ZNF540: variants seen among roughly 807,000 people sequenced by gnomAD.
ZNF540 encodes the protein zinc finger protein 540.
ZNF540 carries 3 observed loss-of-function variants against 11.8 expected under a neutral mutation model. The ratio of observed to expected loss-of-function variants is 0.25; its 90% CI spans 0.12 to 0.65. The LOEUF is 0.65. ZNF540 is among the 30% of genes least tolerant of loss of function. ZNF540 has a pLI of 0.83. For synonymous variants in ZNF540, 247 were observed against 259.0 expected, an observed-to-expected ratio of 0.95 and a Z score of 0.45; for missense variants, 709 against 793.1, an observed-to-expected ratio of 0.89 and a Z score of 1.27.
chr19:37,576,975 C>T (rs1206289026), intron 1 of ZNF540, among the ~76,000 whole-genome samples: 5 of 151,970 alleles, frequency 3.3e-5, no homozygotes, highest in South Asian at 2.1e-4. Flanking sequence ...GCCTATACAC[C>T]GCCATCTTCT....
rs766723398 is a variant in ZNF540, at chr19:37,613,344, TG to T, written c.*82del. 6.0e-5 allele frequency: 63 copies of T among 1,055,674 alleles called. No homozygotes were observed. Among genetic ancestry groups the T allele is most frequent in the South Asian group, 2.5e-4 (10 of 40,728 alleles). The allele number at this position is 1,055,674 out of a possible 1,614,324, so 65.4% of individuals were successfully genotyped here. ...GCCAGAAGTTCTGTCAATGTGTTGA[TG>T]TTTTTTTACACATATTAACTTAATA... On this transcript the variant is annotated 3_prime_UTR_variant, in exon 5 of 5. Transcript: ENST00000316433.
intron 4 of ZNF540, among the ~76,000 whole-genome samples, chr19:37,606,760 GT>G (rs1277069149): frequency 6.6e-6 from 1 of 152,062 alleles, no homozygotes; most frequent in Non-Finnish European, 1.5e-5. Flanking sequence ...AGTTGCAAGA[GT>G]TTTAAAAATA....
chr19:37,590,892 C>A (rs116078960), upstream of ZNF540, among the ~76,000 whole-genome samples: 1,068 of 152,236 alleles, frequency 7.0e-3, 16 homozygotes, highest in African/African-American at 0.025. Context: ...AAAATGCATT[C>A]TCTATCTTAA....
At chr19:37,571,648 A>G (rs1466355277) in intron 1 of ZNF540, among the ~76,000 whole-genome samples, 1 of 152,202 alleles carries the variant, frequency 6.6e-6, no homozygotes, top group African/African-American at 2.4e-5. Context: ...ATGCTCCTTG[A>G]CTTACCAAGG....
chr19:37,581,165 C>G (rs528403606), intron 1 of ZNF540, among the ~76,000 whole-genome samples: 1 of 152,336 alleles, frequency 6.6e-6, no homozygotes, highest in South Asian at 2.1e-4. Flanking sequence ...TCACATCTTT[C>G]ACTATTCCTA....
chr19:37,566,126 G>A, intron 1 of ZNF540: 2 of 1,613,924 alleles, frequency 1.2e-6, no homozygotes, highest in Non-Finnish European at 1.7e-6. Flanking sequence ...TTCCTGACTT[G>A]CTTCTTGACC....
intron 1 of ZNF540, chr19:37,564,581 T>C (rs761763460): frequency 2.1e-6 from 3 of 1,458,234 alleles, no homozygotes; most frequent in South Asian, 1.7e-5. Flanking sequence ...TTAAATTTAA[T>C]CACATTCAAG....
chr19:37,579,214 C>A (rs1275085158), intron 1 of ZNF540, among the ~76,000 whole-genome samples: 1 of 152,252 alleles, frequency 6.6e-6, no homozygotes, highest in African/African-American at 2.4e-5. Context: ...TAGCCAGCAC[C>A]TGAACTCTGG....
intron 4 of ZNF540, chr19:37,611,237 G>C (rs1306647984): frequency 4.6e-5 from 9 of 196,156 alleles, no homozygotes; most frequent in African/African-American, 2.1e-4. Flanking sequence ...ATGTTGGTCA[G>C]GCTGGTCTTG....
intron 1 of ZNF540, among the ~76,000 whole-genome samples, chr19:37,561,696 GAA>G (rs1056025262): frequency 1.1e-4 from 17 of 152,322 alleles, no homozygotes; most frequent in African/African-American, 3.4e-4. Context: ...ACATATTTTT[GAA>G]AAGTCTGGCT....
upstream of ZNF540, chr19:37,551,374 G>C (rs1436431297): frequency 6.6e-6 from 1 of 152,264 alleles, no homozygotes; most frequent in Non-Finnish European, 1.5e-5. Flanking sequence ...CGGGGCTCGC[G>C]TCACAGTGAC....
chr19:37,600,243 A>G (rs956839570), intron 3 of ZNF540, among the ~76,000 whole-genome samples: 23 of 152,206 alleles, frequency 1.5e-4, no homozygotes, highest in Non-Finnish European at 4.4e-5. Context: ...CTGATTTGTG[A>G]TTGAAAATTT....
chr19:37,611,712 C>T lies in ZNF540; in HGVS notation c.432C>T (p.Ile144=), dbSNP rs202168660. The change falls in exon 5 of 5, where the codon ATC becomes ATT. Residue 144 remains isoleucine (I), a synonymous_variant. Transcript: ENST00000316433. ...AAAGATCTATCAGTCAAAAGAAAAT[C>T]GTCTCTAAAAAAATGTCAACTGATA... is the stretch of plus-strand genomic sequence containing the variant. ...LKERSISQKK[I]VSKKMSTDRK... is the part of the protein sequence containing the mutation. 3.0e-4 allele frequency: 478 copies of T among 1,613,578 alleles called. 3 individuals carry two copies. The highest frequency in any genetic ancestry group is 1.0e-4 in the Non-Finnish European group (122 of 1,179,908).
At chr19:37,552,762 A>G (rs1453455138) in intron 1 of ZNF540, among the ~76,000 whole-genome samples, 1 of 152,134 alleles carries the variant, frequency 6.6e-6, no homozygotes, top group Non-Finnish European at 1.5e-5. Context: ...AGCTTGGCCA[A>G]CATGGTGAAA....
chr19:37,608,911 G>C (rs2044105649), intron 4 of ZNF540, among the ~76,000 whole-genome samples: 1 of 152,112 alleles, frequency 6.6e-6, no homozygotes. Context: ...AAAGTGCTGG[G>C]ATTACAAGCG....
chr19:37,612,248 G>T lies in ZNF540; in HGVS notation c.968G>T (p.Gly323Val), dbSNP rs780819424. 2 of 1,613,708 alleles carry T rather than the reference G, an allele frequency of 1.2e-6. No individual in the cohort carries two copies. Among genetic ancestry groups the T allele is most frequent in the African/African-American group, 2.7e-5 (2 of 74,900 alleles). Residue 323 changes from glycine to valine, a missense_variant, in exon 5 of 5, where the codon GGT (glycine) becomes GTT (valine). Gly to Val is a moderately radical substitution (Grantham distance 109). Transcript: ENST00000316433. ...YFKEHERIHT[G>V]KKPYECKECG... Reference sequence around the variant, plus strand: ...AAAGAACATGAGAGAATTCATACAGGTAAGAAACCCTATGAATGTAAGGAG... The same window carrying T: ...AAAGAACATGAGAGAATTCATACAGTTAAGAAACCCTATGAATGTAAGGAG...
intron 1 of ZNF540, chr19:37,583,894 T>C (rs2043565268): frequency 2.1e-6 from 3 of 1,449,930 alleles, no homozygotes; most frequent in East Asian, 2.3e-5. Context: ...CCTTAGGGAA[T>C]GGAGATCAGA....
chr19:37,566,522 C>G (rs1250219522), intron 1 of ZNF540: 2 of 459,154 alleles, frequency 4.4e-6, no homozygotes, highest in Non-Finnish European at 7.5e-6. Context: ...GGTTCTCAAA[C>G]TTTGGAATGG....
At chr19:37,611,388 A>G in intron 4 of ZNF540, 125 bp from the exon 5 acceptor site, 2 of 695,680 alleles carry the variant, frequency 2.9e-6, no homozygotes, top group South Asian at 2.4e-5. Flanking sequence ...TTATTGAAAT[A>G]TTCTTTAAGC....
Sources: gnomAD v4.1 joint callset for allele counts (sites outside exome capture counted in the v4.1 genomes callset) on GRCh38, gnomAD v4.1.1 for gene constraint, MANE v1.5 for transcripts, NCBI Gene and HGNC (gene_info 2026-07-23, HGNC 2026-07-21) for gene names.